MAML3: variants seen among roughly 807,000 people sequenced by gnomAD.
MAML3 encodes the protein mastermind-like protein 3.
MAML3 carries 27 observed loss-of-function variants against 101.9 expected under a neutral mutation model. That is an observed-to-expected ratio of 0.27 (90% CI 0.20 to 0.37). The LOEUF (loss-of-function observed/expected upper bound fraction) is 0.37. Ranked by LOEUF, MAML3 falls within the 10% of genes least tolerant of loss-of-function variation. MAML3 has a pLI of 1.00. For synonymous variants in MAML3, 501 were observed against 555.9 expected (o/e 0.90, Z 1.39); for missense variants, 1,316 against 1,444.9 (o/e 0.91, Z 1.45).
At position 139,933,791 on chromosome 4, in the gene MAML3, C is replaced by T. The variant is rs573793967; in HGVS notation, c.469-42824G>A. 7.2e-5 allele frequency among the ~76,000 whole-genome samples: 11 copies of T among 152,278 alleles called. No individual in the cohort carries two copies. In the East Asian group the frequency reaches 1.5e-3, roughly 21 times the overall value. ...CAGCTTGTAACCCAGAGAACCCTTC[C>T]GCTTCCTGAGGTCAGCCTGGGGCTT... On this transcript the variant is annotated intron_variant, in intron 1 of 4. Coordinates refer to ENST00000509479, the MANE Select transcript of MAML3 (RefSeq NM_018717.5).
At chr4:140,055,498 G>A (rs748154465) in intron 1 of MAML3, among the ~76,000 whole-genome samples, 2 of 152,124 alleles carry the variant, frequency 1.3e-5, no homozygotes, top group African/African-American at 4.8e-5. Flanking sequence ...TCAGCTGCCT[G>A]GACGACAACA....
At chr4:139,804,835 A>G (rs1361358455) in intron 2 of MAML3, among the ~76,000 whole-genome samples, 1 of 152,238 alleles carries the variant, frequency 6.6e-6, no homozygotes, top group Non-Finnish European at 1.5e-5. Context: ...TTAGAAGTAG[A>G]GGATAGTGTG....
chr4:139,951,602 C>T (rs1465119146), intron 1 of MAML3, among the ~76,000 whole-genome samples: 1 of 152,200 alleles, frequency 6.6e-6, no homozygotes, highest in Non-Finnish European at 1.5e-5. Flanking sequence ...CCTTAGGTCC[C>T]TCTCCTTGCA....
chr4:139,963,964 A>G (rs1734075765), intron 1 of MAML3, among the ~76,000 whole-genome samples: 2 of 152,218 alleles, frequency 1.3e-5, no homozygotes, highest in Admixed American at 1.3e-4. Context: ...ATTTCACTCC[A>G]TCCAAAATGG....
intron 2 of MAML3, among the ~76,000 whole-genome samples, chr4:139,741,994 G>A (rs1230690862): frequency 6.6e-6 from 1 of 152,096 alleles, no homozygotes; most frequent in African/African-American, 2.4e-5. Context: ...AGACACACGG[G>A]CATAAAAATA....
At chr4:140,042,431 G>A (rs1054252562) in intron 1 of MAML3, among the ~76,000 whole-genome samples, 29 of 152,138 alleles carry the variant, frequency 1.9e-4, no homozygotes, top group South Asian at 1.2e-3. Context: ...TCAGGAGATC[G>A]AGACCATCCT....
chr4:139,881,967 C>T (rs541957226), intron 2 of MAML3, among the ~76,000 whole-genome samples: 2 of 152,242 alleles, frequency 1.3e-5, no homozygotes, highest in African/African-American at 4.8e-5. Flanking sequence ...GCTGGGATTA[C>T]AGGTGTGAGA....
intron 1 of MAML3, among the ~76,000 whole-genome samples, chr4:139,989,704 C>A (rs1028737332): frequency 1.3e-5 from 2 of 152,042 alleles, no homozygotes; most frequent in Non-Finnish European, 2.9e-5. Flanking sequence ...CCCTTCTTCA[C>A]TGAAAGCCAA....
At position 139,987,353 on chromosome 4, in the gene MAML3, C is replaced by T. The variant is rs780573502; in HGVS notation, c.469-96386G>A. ...CATGGTAAGGCAGAAAAACAGATGT[C>T]GATTGTTTCTGAATACTGCTGGTCA... On this transcript the variant is annotated intron_variant, in intron 1 of 4. Transcript: ENST00000509479. Among the ~76,000 whole-genome samples, 9 of 152,118 alleles carry T rather than the reference C, an allele frequency of 5.9e-5. No homozygotes were observed. In the South Asian group the frequency reaches 8.3e-4, roughly 14 times the overall value.
intron 2 of MAML3, among the ~76,000 whole-genome samples, chr4:139,794,628 A>G (rs1039788397): frequency 2.0e-5 from 3 of 152,226 alleles, no homozygotes; most frequent in African/African-American, 7.2e-5. Context: ...TTGGGCTTTT[A>G]CTTGGTCTGA....
intron 2 of MAML3, among the ~76,000 whole-genome samples, chr4:139,883,889 C>CTTTTTTTTT (rs70943452): frequency 1.3e-5 from 1 of 74,322 alleles, no homozygotes; most frequent in Non-Finnish European, 2.5e-5. Context: ...AATTGCTTGT[C>CTTTTTTTTT]TTTTTTTTTT....
At chr4:140,147,383 G>A (rs981030081) in intron 1 of MAML3, among the ~76,000 whole-genome samples, 3 of 152,166 alleles carry the variant, frequency 2.0e-5, no homozygotes, top group Non-Finnish European at 4.4e-5. Context: ...AAATGGTATT[G>A]TATCTGATTG....
intron 1 of MAML3, among the ~76,000 whole-genome samples, chr4:139,918,847 C>A (rs769500051): frequency 1.3e-5 from 2 of 152,090 alleles, no homozygotes; most frequent in Non-Finnish European, 2.9e-5. Flanking sequence ...AAACAGGAAT[C>A]GTTTCTTAAT....
At chr4:139,961,317 T>C (rs372156546) in intron 1 of MAML3, among the ~76,000 whole-genome samples, 18 of 152,266 alleles carry the variant, frequency 1.2e-4, no homozygotes, top group East Asian at 9.6e-4. Context: ...GATTACTAAA[T>C]AGAGAACAAA....
intron 1 of MAML3, among the ~76,000 whole-genome samples, chr4:140,042,834 A>AC (rs1204592129): frequency 6.6e-6 from 1 of 151,936 alleles, no homozygotes; most frequent in Admixed American, 6.6e-5. Flanking sequence ...CAACATTCCA[A>AC]CCCGGGCACA....
chr4:139,989,878 CACACAG>C (rs1213837470), intron 1 of MAML3, among the ~76,000 whole-genome samples: 20 of 49,070 alleles, frequency 4.1e-4, no homozygotes, highest in South Asian at 8.2e-4. Context: ...CACACACACA[CACACAG>C]AGAGAGAGAG....
intron 1 of MAML3, among the ~76,000 whole-genome samples, chr4:140,005,886 C>G (rs1726434438): frequency 1.3e-5 from 2 of 152,230 alleles, no homozygotes; most frequent in South Asian, 4.1e-4. Flanking sequence ...CAGATGAAAT[C>G]TGATCTCTCT....
At chr4:140,072,952 C>A (rs942525606) in intron 1 of MAML3, among the ~76,000 whole-genome samples, 3 of 152,086 alleles carry the variant, frequency 2.0e-5, no homozygotes, top group Non-Finnish European at 1.5e-5. Flanking sequence ...GTGTTCATCC[C>A]AATATGAGCA....
At chr4:139,968,478 T>G (rs6851069) in intron 1 of MAML3, among the ~76,000 whole-genome samples, 136,899 of 152,056 alleles carry the variant, frequency 0.9, 63,266 homozygotes, top group East Asian at 1. Flanking sequence ...GGGTCAAGAA[T>G]GTTACTAATG....
Sources: gnomAD v4.1 joint callset for allele counts (sites outside exome capture counted in the v4.1 genomes callset) on GRCh38, gnomAD v4.1.1 for gene constraint, MANE v1.5 for transcripts, NCBI Gene and HGNC (gene_info 2026-07-23, HGNC 2026-07-21) for gene names.